The following KANK1 variants were observed in gnomAD, a reference collection of about 807,000 sequenced individuals.
The protein encoded by KANK1 is KN motif and ankyrin repeat domains 1.
A neutral mutation model predicts 106.2 loss-of-function variants in KANK1; 109 were observed. The ratio of observed to expected loss-of-function variants is 1.03; its 90% CI spans 0.88 to 1.20. The LOEUF (loss-of-function observed/expected upper bound fraction) is 1.20, where lower values mean the gene tolerates loss of function less well. Ranked by LOEUF, KANK1 falls within the 50% of genes most tolerant of loss-of-function variation. The pLI is 0.00. For synonymous variants in KANK1, 873 were observed against 652.2 expected, an observed-to-expected ratio of 1.34 and a Z score of -5.16; for missense variants, 2,399 against 1,710.7, an observed-to-expected ratio of 1.40 and a Z score of -7.10.
intron 1 of KANK1, among the ~76,000 whole-genome samples, chr9:605,509 C>T (rs1402105477): frequency 6.6e-6 from 1 of 151,578 alleles, no homozygotes; most frequent in Non-Finnish European, 1.5e-5. Context: ...CCAGTGAAGT[C>T]CTCCTGCTGT....
intron 1 of KANK1, among the ~76,000 whole-genome samples, chr9:529,797 G>A (rs1217737306): frequency 2.0e-5 from 3 of 152,326 alleles, no homozygotes; most frequent in East Asian, 3.9e-4. Context: ...CATGTGTGAT[G>A]AATATGGAAT....
chr9:569,963 A>G (rs1312228986), intron 1 of KANK1, among the ~76,000 whole-genome samples: 1 of 151,958 alleles, frequency 6.6e-6, no homozygotes, highest in African/African-American at 2.4e-5. Flanking sequence ...TTCATTATAC[A>G]CCTTCCCCAC....
At chr9:693,229 A>G (rs1426079689) in intron 2 of KANK1, among the ~76,000 whole-genome samples, 4 of 152,200 alleles carry the variant, frequency 2.6e-5, no homozygotes, top group Non-Finnish European at 4.4e-5. Flanking sequence ...AGAAGAAACC[A>G]AAAAGGAACC....
chr9:728,947 T>C (rs1427503458), intron 3 of KANK1, among the ~76,000 whole-genome samples: 1 of 152,240 alleles, frequency 6.6e-6, no homozygotes, highest in Non-Finnish European at 1.5e-5. Flanking sequence ...CTGTAACTTC[T>C]AGTCCACTAA....
chr9:641,303 A>G (rs371479138), intron 1 of KANK1, among the ~76,000 whole-genome samples: 1 of 152,232 alleles, frequency 6.6e-6, no homozygotes, highest in Non-Finnish European at 1.5e-5. Flanking sequence ...AGATAAACAA[A>G]TAAAAGTCTT....
intron 1 of KANK1, among the ~76,000 whole-genome samples, chr9:542,253 A>G (rs2060648696): frequency 6.6e-6 from 1 of 152,192 alleles, no homozygotes; most frequent in African/African-American, 2.4e-5. Flanking sequence ...AAATCCCAGC[A>G]CTTTGGGAGG....
chr9:474,374 T>C (rs947196311), intron 3 of KANK1, among the ~76,000 whole-genome samples: 1 of 152,214 alleles, frequency 6.6e-6, no homozygotes, highest in Non-Finnish European at 1.5e-5. Context: ...TCTTACTAAT[T>C]AGTGATATTG....
At chr9:621,990 A>C (rs7046519) in intron 1 of KANK1, among the ~76,000 whole-genome samples, 54 of 152,014 alleles carry the variant, frequency 3.6e-4, no homozygotes, top group African/African-American at 1.3e-3. Flanking sequence ...AAAGATACTA[A>C]GTTTGGTTTT....
intron 3 of KANK1, among the ~76,000 whole-genome samples, chr9:496,033 C>G (rs1057322946): frequency 1.3e-5 from 2 of 152,166 alleles, no homozygotes; most frequent in African/African-American, 4.8e-5. Context: ...TCAGGGTGGA[C>G]TTCTGGCTCT....
intron 1 of KANK1, among the ~76,000 whole-genome samples, chr9:609,191 T>G (rs1233233829): frequency 6.6e-6 from 1 of 152,244 alleles, no homozygotes; most frequent in African/African-American, 2.4e-5. Flanking sequence ...AACTGCTAAT[T>G]GCAGTGGTGT....
In KANK1 at chr9:745,249, G is replaced by A; in HGVS notation, c.*14G>A. On this transcript the variant is annotated 3_prime_UTR_variant, in exon 12 of 12. Transcript: ENST00000382297. ...TCATTTGATTGATTGTATGCAAATA[G>A]CCCTTTATTTACATGCCACTATTAA... The A allele has an allele frequency of 3.1e-6, 5 of 1,613,816 alleles. No homozygotes were observed. The highest frequency in any genetic ancestry group is 1.1e-5 in the South Asian group (1 of 91,076).
At chr9:581,488 AAG>A (rs1200222883) in intron 1 of KANK1, among the ~76,000 whole-genome samples, 2 of 149,754 alleles carry the variant, frequency 1.3e-5, no homozygotes, top group African/African-American at 2.5e-5. Flanking sequence ...ATGTTGAACT[AAG>A]AAAATACATA....
chr9:676,962 C>G lies in KANK1; in HGVS notation c.-11C>G, dbSNP rs768499384. ...ACTCCTTTCTGGATCTCTCATTGGA[C>G]TCAAGCCAGCATGGCTCACACCACA... On this transcript the variant is annotated 5_prime_UTR_variant, in exon 2 of 12. Transcript: ENST00000382297. 20 of 1,613,238 alleles carry G rather than the reference C, an allele frequency of 1.2e-5. No homozygotes were observed. The highest frequency in any genetic ancestry group is 1.7e-5 in the Non-Finnish European group (20 of 1,179,414).
At chr9:483,650 C>G (rs1372448810) in intron 3 of KANK1, among the ~76,000 whole-genome samples, 1 of 152,142 alleles carries the variant, frequency 6.6e-6, no homozygotes, top group Non-Finnish European at 1.5e-5. Flanking sequence ...CCCTAAAAGC[C>G]TCATTGATCC....
At chr9:619,634 C>T (rs759363620) in intron 1 of KANK1, among the ~76,000 whole-genome samples, 9 of 152,108 alleles carry the variant, frequency 5.9e-5, no homozygotes, top group Non-Finnish European at 1.0e-4. Context: ...AGAAAGTTTA[C>T]CTTTGACTTG....
Position 586,189 on chromosome 9 carries a change from G to A in KANK1, c.-84+81435G>A, listed in dbSNP as rs535217742. Among the ~76,000 whole-genome samples the A allele has an allele frequency of 2.0e-5, 3 of 152,290 alleles. No homozygotes were observed. In the South Asian group the frequency reaches 6.2e-4, roughly 32 times the overall value. On this transcript the variant is annotated intron_variant, in intron 1 of 11. Transcript: ENST00000382297. ...GAGCAGACATACTTGTCTAAGTTTG[G>A]CAGAGTGGCTGGACCAGGATTCATG...
chr9:640,312 T>C (rs1041127039), intron 1 of KANK1, among the ~76,000 whole-genome samples: 1 of 151,424 alleles, frequency 6.6e-6, no homozygotes, highest in African/African-American at 2.4e-5. Flanking sequence ...CTCGGCTCTC[T>C]GCAGCCTCCA....
intron 1 of KANK1, among the ~76,000 whole-genome samples, chr9:582,163 T>G (rs1286785965): frequency 2.0e-5 from 3 of 152,194 alleles, no homozygotes; most frequent in Admixed American, 2.0e-4. Context: ...CTGTGGCCAG[T>G]TCCCCACGTA....
intron 1 of KANK1, among the ~76,000 whole-genome samples, chr9:576,580 T>G (rs1290014056): frequency 6.6e-6 from 1 of 152,190 alleles, no homozygotes; most frequent in Non-Finnish European, 1.5e-5. Flanking sequence ...AGACGTTTGC[T>G]TCGATTCTTT....
Sources: gnomAD v4.1 joint callset for allele counts (sites outside exome capture counted in the v4.1 genomes callset) on GRCh38, gnomAD v4.1.1 for gene constraint, MANE v1.5 for transcripts, NCBI Gene and HGNC (gene_info 2026-07-23, HGNC 2026-07-21) for gene names.